Variants in TLN1 observed in about 807,000 individuals in gnomAD.
The protein encoded by TLN1 is talin 1, also known as talin-1.
Under a neutral mutation model 292.3 loss-of-function variants are expected in TLN1, and 56 were observed. The ratio of observed to expected loss-of-function variants is 0.19; its 90% CI spans 0.15 to 0.24. The LOEUF (loss-of-function observed/expected upper bound fraction) is 0.24, where lower values mean the gene tolerates loss of function less well. TLN1 is among the 10% of genes least tolerant of loss of function. TLN1 has a pLI of 1.00. For missense variants in TLN1, 2,433 were observed against 3,248.2 expected, an observed-to-expected ratio of 0.75 and a Z score of 6.10; for synonymous variants, 1,119 against 1,253.7, an observed-to-expected ratio of 0.89 and a Z score of 2.27.
intron 25 of TLN1, among the ~76,000 whole-genome samples, 159 bp downstream of exon 25, chr9:35,713,792 AAG>A (rs982086019): frequency 5.3e-5 from 8 of 151,780 alleles, no homozygotes; most frequent in African/African-American, 1.7e-4. Context: ...AGGAGAGAGA[AAG>A]AGAAAGAAAA....
At position 35,699,940 on chromosome 9, in the gene TLN1, G is replaced by A. The variant is rs369986019; in HGVS notation, c.6768+34C>T. 540 of 1,581,668 alleles carry A rather than the reference G, an allele frequency of 3.4e-4. 1 individual carries two copies. The South Asian group carries it at 5.6e-3, about 16-fold the overall frequency. On this transcript the variant is annotated intron_variant, in intron 50 of 56. Transcript: ENST00000314888. This position sits in a 1 kb window ranked among gnomAD's most constrained non-coding sequence, Gnocchi z 4.0. ...GGAAGAGGGCTGTGTATTCAGGGAG[G>A]CTGGTATGAGGAACAAGCAACGCCC...
Position 35,698,517 on chromosome 9 carries a change from A to T in TLN1, c.7189-12T>A, listed in dbSNP as rs1194092355. 6.2e-7 allele frequency: 1 copy of T among 1,613,550 alleles called. No homozygotes were observed. The highest frequency in any genetic ancestry group is 8.5e-7 in the Non-Finnish European group (1 of 1,179,628). On this transcript the variant is annotated splice_polypyrimidine_tract_variant and intron_variant, in intron 54 of 56. Coordinates refer to ENST00000314888, the MANE Select transcript of TLN1 (RefSeq NM_006289.4). The surrounding 1 kb of genome is among the most constrained non-coding windows in gnomAD (Gnocchi z 5.3). ...GCCACCATCCGGGCCTAAAGCAGGG[A>T]GAGTTTGCTTAAAAATATGCCCCTT...
At chr9:35,711,484 T>G (rs1825667001) in intron 29 of TLN1, 90 bp from the exon 30 acceptor site, 1 of 1,605,316 alleles carries the variant, frequency 6.2e-7, no homozygotes, top group African/African-American at 1.3e-5. Context: ...CAAGTAGTGC[T>G]AGAGACTGGG....
intron 33 of TLN1, 22 bp downstream of exon 33, chr9:35,710,539 G>C: frequency 6.2e-7 from 1 of 1,603,792 alleles, no homozygotes; most frequent in Admixed American, 1.7e-5. Flanking sequence ...GCCATTCAAA[G>C]AACCCATCTC....
At chr9:35,711,137 C>T (rs1825660811) in intron 30 of TLN1, 55 bp from the exon 31 acceptor site, 1 of 1,610,712 alleles carries the variant, frequency 6.2e-7, no homozygotes, top group African/African-American at 1.3e-5. Context: ...TTCCTGGGTC[C>T]TATGTAAGTA....
chr9:35,698,449 T>G lies in TLN1; in HGVS notation c.7245A>C (p.Val2415=), dbSNP rs1825405930. 6.2e-7 allele frequency: 1 copy of G among 1,613,986 alleles called. No individual in the cohort carries two copies. Among genetic ancestry groups the G allele is most frequent in the African/African-American group, 1.3e-5 (1 of 74,936 alleles). ...NNLCEAANAA[V]QGHASQEKLI... ...GCTTCTCCTGGCTGGCATGGCCTTG[T>G]ACAGCTGCATTGGCTGCCTCACACA... Residue 2415 remains valine, a synonymous_variant, in exon 55 of 57, where the codon GTA becomes GTC. Transcript: ENST00000314888. The surrounding 1 kb of genome is among the most constrained non-coding windows in gnomAD (Gnocchi z 5.3).
Position 35,707,689 on chromosome 9 carries a change from AG to A in TLN1, c.4632+41del. 6.2e-7 allele frequency: 1 copy of A among 1,613,178 alleles called. No homozygotes were observed. Among genetic ancestry groups the A allele is most frequent in the Non-Finnish European group, 8.5e-7 (1 of 1,179,308 alleles). ...AACTGGGGGACTCGGGGGAGAAGAT[AG>A]GACAGGTCAGGGAGAGGCTGGGAAT... On this transcript the variant is annotated intron_variant, in intron 35 of 56. Coordinates refer to ENST00000314888, the MANE Select transcript of TLN1 (RefSeq NM_006289.4). This position sits in a 1 kb window ranked among gnomAD's most constrained non-coding sequence, Gnocchi z 5.6.
rs368060709 is a variant in TLN1, at chr9:35,698,969, G to A, written c.7000-36C>T. 2 of 1,610,998 alleles carry A rather than the reference G, an allele frequency of 1.2e-6. No homozygotes were observed. Among genetic ancestry groups the A allele is most frequent in the Admixed American group, 1.7e-5 (1 of 59,962 alleles). Reference sequence around the variant, plus strand: ...CGAAGGTTGCAGAAAGAGATGTAAAGTCAGAGATGAAGGTGGGGACACTGC... The same window carrying A: ...CGAAGGTTGCAGAAAGAGATGTAAAATCAGAGATGAAGGTGGGGACACTGC... On this transcript the variant is annotated intron_variant, in intron 52 of 56. Transcript: ENST00000314888. The surrounding 1 kb of genome is among the most constrained non-coding windows in gnomAD (Gnocchi z 5.3).
chr9:35,717,726 C>T lies in TLN1; in HGVS notation c.2056G>A (p.Ala686Thr). 1 of 1,613,368 alleles carries T rather than the reference C, an allele frequency of 6.2e-7. No individual in the cohort carries two copies. Among genetic ancestry groups the T allele is most frequent in the East Asian group, 2.2e-5 (1 of 44,860 alleles). ...TCTGTCCGCTGGGCCACACTCTTGG[C>T]CTTGAGGACCAGGGCAGCTGCAGCA... Reference protein sequence around the residue: ...ASAAAALVLKAKSVAQRTEDS... With the variant: ...ASAAAALVLKTKSVAQRTEDS... The change falls in exon 18 of 57, where the codon GCC becomes ACC. Residue 686 changes from alanine (A) to threonine (T), a missense_variant. Physicochemically the swap from Ala to Thr is moderately conservative, Grantham distance 58. This residue lies in a region of TLN1 where 617 missense variants were observed against 770.6 expected (regional missense o/e 0.80). Transcript: ENST00000314888. This position sits in a 1 kb window ranked among gnomAD's most constrained non-coding sequence, Gnocchi z 4.7.
chr9:35,699,490 A>G lies in TLN1; in HGVS notation c.6769-29T>C. 1.2e-6 allele frequency: 2 copies of G among 1,600,574 alleles called. No individual in the cohort carries two copies. The highest frequency in any genetic ancestry group is 2.3e-5 in the South Asian group (2 of 88,532). On this transcript the variant is annotated intron_variant, in intron 50 of 56. Transcript: ENST00000314888. This position sits in a 1 kb window ranked among gnomAD's most constrained non-coding sequence, Gnocchi z 4.0. ...GGCAAGAAGCGGGCAGGGGACAAAG[A>G]GCATCACATCTTAGGGTCTACCCTG... is the stretch of plus-strand genomic sequence containing the variant.
rs550706845 is a variant in TLN1, at chr9:35,704,294, G to A, written c.6047+38C>T. On this transcript the variant is annotated intron_variant, in intron 45 of 56. Coordinates refer to ENST00000314888, the MANE Select transcript of TLN1 (RefSeq NM_006289.4). The surrounding 1 kb of genome is among the most constrained non-coding windows in gnomAD (Gnocchi z 6.9). ...CCTGCCTCTTCCAGCCCCGTGCCCC[G>A]ACCTGTCTGCCTCCCTTAGGCCCAG... 40 of 1,601,752 alleles carry A rather than the reference G, an allele frequency of 2.5e-5. 1 individual carries two copies. The highest frequency in any genetic ancestry group is 2.3e-4 in the South Asian group (20 of 88,770).
In TLN1 at chr9:35,704,125, G is replaced by A. The variant is rs2131884147; in HGVS notation, c.6097C>T (p.Leu2033=). The change falls in exon 46 of 57, where the codon CTG becomes TTG. Residue 2033 remains leucine, a synonymous_variant. Coordinates refer to ENST00000314888, the MANE Select transcript of TLN1 (RefSeq NM_006289.4). The surrounding 1 kb of genome is among the most constrained non-coding windows in gnomAD (Gnocchi z 6.9). ...AKVLVEDTKV[L]VQNAAGSQEK... Reference sequence around the variant, plus strand: ...TGGCTCCCAGCTGCGTTTTGCACCAGGACCTTGGTGTCCTCCACCAGCACC... The same window carrying A: ...TGGCTCCCAGCTGCGTTTTGCACCAAGACCTTGGTGTCCTCCACCAGCACC... 2.5e-6 allele frequency: 4 copies of A among 1,612,612 alleles called. No homozygotes were observed. The Middle Eastern group carries it at 6.6e-4, about 266-fold the overall frequency.
In TLN1 at chr9:35,708,456, G is replaced by C. The variant is rs199732295; in HGVS notation, c.4355C>G (p.Pro1452Arg). 1 of 1,597,578 alleles carries C rather than the reference G, an allele frequency of 6.3e-7. No individual in the cohort carries two copies. Among genetic ancestry groups the C allele is most frequent in the East Asian group, 2.3e-5 (1 of 43,918 alleles). ...QAAYLVGVSD[P>R]NSQAGQQGLV... ...CCCTTGCTGTCCAGCTTGGCTATTG[G>C]GGTCAGAGACACCAACCAGATATGC... The change falls in exon 34 of 57, where the codon CCC becomes CGC. Residue 1452 changes from proline (P) to arginine (R), a missense_variant. Around this residue, in one of 7 missense-constraint regions of TLN1, gnomAD observed 1,384 missense variants for 1,699.6 expected, o/e 0.81. Coordinates refer to ENST00000314888, the MANE Select transcript of TLN1 (RefSeq NM_006289.4).
At position 35,706,344 on chromosome 9, in the gene TLN1, A is replaced by G. The variant is rs1286012448; in HGVS notation, c.5213T>C (p.Phe1738Ser). 6.2e-7 allele frequency: 1 copy of G among 1,611,118 alleles called. No homozygotes were observed. The highest frequency in any genetic ancestry group is 2.2e-5 in the East Asian group (1 of 44,872). Reference sequence around the variant, plus strand: ...CACTGCAGCCAGGGTGAGCGGCTCAAAGTACTGCGCCATCTGGGACACCTG... The same window carrying G: ...CACTGCAGCCAGGGTGAGCGGCTCAGAGTACTGCGCCATCTGGGACACCTG... ...GHKVSQMAQY[F>S]EPLTLAAVGA... Residue 1738 changes from phenylalanine (F) to serine (S), a missense_variant, in exon 40 of 57, where the codon TTT becomes TCT. Phe to Ser is a radical substitution (Grantham distance 155, BLOSUM62 -2). Coordinates refer to ENST00000314888, the MANE Select transcript of TLN1 (RefSeq NM_006289.4). This position sits in a 1 kb window ranked among gnomAD's most constrained non-coding sequence, Gnocchi z 4.2.
At chr9:35,723,002 T>C in intron 7 of TLN1, 81 bp from the exon 8 acceptor site, 1 of 1,211,704 alleles carries the variant, frequency 8.3e-7, no homozygotes, top group Non-Finnish European at 1.2e-6. Context: ...CCTGGGGGTA[T>C]GAGGAAATAC....
At position 35,713,046 on chromosome 9, in the gene TLN1, T is replaced by C. The variant is rs1337991582; in HGVS notation, c.3353-3A>G. ...TGCCACATCCCGAGCTGCAATACCT[T>C]GGGAGATGAGGAGAAAGAGGGAAGG... On this transcript the variant is annotated splice_region_variant and splice_polypyrimidine_tract_variant and intron_variant, in intron 26 of 56. Coordinates refer to ENST00000314888, the MANE Select transcript of TLN1 (RefSeq NM_006289.4). The C allele has an allele frequency of 1.9e-6, 3 of 1,600,410 alleles. No homozygotes were observed. The highest frequency in any genetic ancestry group is 1.1e-5 in the South Asian group (1 of 90,124).
chr9:35,712,005 C>A lies in TLN1; in HGVS notation c.3681G>T (p.Ser1227=). The change falls in exon 28 of 57, where the codon TCG becomes TCT. Residue 1227 remains serine, a splice_region_variant and synonymous_variant. Coordinates refer to ENST00000314888, the MANE Select transcript of TLN1 (RefSeq NM_006289.4). The part of the protein sequence containing the change: ...GDASKRLLSD[S]LPPSTGTFQE... ...CCCCCACCCCCTACCGTCCTCCTAC[C>A]GAGTCACTCAGGAGTCGCTTGCTGG... The A allele has an allele frequency of 6.2e-7, 1 of 1,613,660 alleles. No homozygotes were observed.
In TLN1 at chr9:35,717,269, T is replaced by G; in HGVS notation, c.2335A>C (p.Asn779His). ...GCTTTCACATGCTGCAGCAGCTCAT[T>G]TAGGGCCTGGGTGACAGCTGTGGCT... ...AAATAVTQAL[N>H]ELLQHVKAHA... Residue 779 changes from asparagine (N) to histidine (H), a missense_variant, in exon 19 of 57, where the codon AAT (asparagine) becomes CAT (histidine). Around this residue, in one of 7 missense-constraint regions of TLN1, gnomAD observed 617 missense variants for 770.6 expected, o/e 0.80. Transcript: ENST00000314888. The surrounding 1 kb of genome is among the most constrained non-coding windows in gnomAD (Gnocchi z 4.7). The G allele has an allele frequency of 6.2e-7, 1 of 1,614,150 alleles. No homozygotes were observed. Among genetic ancestry groups the G allele is most frequent in the Non-Finnish European group, 8.5e-7 (1 of 1,180,032 alleles).
intron 33 of TLN1, among the ~76,000 whole-genome samples, chr9:35,710,148 G>A (rs572171902): frequency 2.0e-4 from 30 of 149,036 alleles, no homozygotes; most frequent in South Asian, 1.9e-3. Flanking sequence ...GCGTGAACCC[G>A]GGAGGCGGAG....
Sources: gnomAD v4.1 joint callset for allele counts (sites outside exome capture counted in the v4.1 genomes callset) on GRCh38, gnomAD v4.1.1 for gene constraint, gnomAD v4.1.1 regional missense constraint, Gnocchi (gnomAD v3.1) non-coding constraint, MANE v1.5 for transcripts, NCBI Gene and HGNC (gene_info 2026-07-23, HGNC 2026-07-21) for gene names.